GRID2: variants seen among roughly 807,000 people sequenced by gnomAD.
The protein encoded by GRID2 is glutamate ionotropic receptor delta type subunit 2.
GRID2 carries 33 observed loss-of-function variants against 114.8 expected under a neutral mutation model. The observed-to-expected ratio is 0.29, with a 90% CI of 0.22 to 0.38. The LOEUF is 0.38. Ranked by LOEUF, GRID2 falls within the 10% of genes least tolerant of loss-of-function variation. The pLI is 1.00. For missense variants in GRID2, 1,184 were observed against 1,257.7 expected (o/e 0.94, Z 0.89); for synonymous variants, 505 against 449.9 (o/e 1.12, Z -1.55).
At chr4:93,170,006 A>T (rs1738640745) in intron 4 of GRID2, among the ~76,000 whole-genome samples, 1 of 152,194 alleles carries the variant, frequency 6.6e-6, no homozygotes, top group African/African-American at 2.4e-5. Flanking sequence ...GAATGTTATT[A>T]TTTTCATCAT....
At chr4:93,411,889 A>G (rs1201762259) in intron 9 of GRID2, among the ~76,000 whole-genome samples, 1 of 151,834 alleles carries the variant, frequency 6.6e-6, no homozygotes, top group Admixed American at 6.6e-5. Flanking sequence ...TCCCTGAACT[A>G]TGTTGAAATG....
At chr4:92,425,199 C>A (rs1017718110) in intron 1 of GRID2, among the ~76,000 whole-genome samples, 1 of 151,886 alleles carries the variant, frequency 6.6e-6, no homozygotes, top group African/African-American at 2.4e-5. Flanking sequence ...ATTAAGTAGA[C>A]GACAGCAAAT....
intron 9 of GRID2, among the ~76,000 whole-genome samples, chr4:93,419,604 A>C (rs1768066681): frequency 6.6e-6 from 1 of 152,196 alleles, no homozygotes; most frequent in East Asian, 1.9e-4. Context: ...GGATGCAATG[A>C]AAGTTTATTT....
chr4:92,724,922 T>C (rs1360185864), intron 2 of GRID2, among the ~76,000 whole-genome samples: 1 of 152,166 alleles, frequency 6.6e-6, no homozygotes, highest in Non-Finnish European at 1.5e-5. Context: ...TTGTTAAAAT[T>C]GCACATAACT....
rs569966633 is a variant in GRID2, at chr4:93,477,902, C to T, written c.1859-12737C>T. On this transcript the variant is annotated intron_variant, in intron 11 of 15. Transcript: ENST00000282020. Reference sequence around the variant, plus strand: ...GGAGACAGGAAAGTTAATCAATTTGCGGTGGGGAATTAATGATAAACATTA... The same window carrying T: ...GGAGACAGGAAAGTTAATCAATTTGTGGTGGGGAATTAATGATAAACATTA... 4.6e-5 allele frequency among the ~76,000 whole-genome samples: 7 copies of T among 152,172 alleles called. No homozygotes were observed. The East Asian group carries it at 5.8e-4, about 13-fold the overall frequency.
At chr4:92,493,733 G>A (rs1723257586) in intron 1 of GRID2, among the ~76,000 whole-genome samples, 1 of 152,110 alleles carries the variant, frequency 6.6e-6, no homozygotes, top group South Asian at 2.1e-4. Context: ...TTGAAATCTA[G>A]ACTTTTCTAG....
intron 14 of GRID2, among the ~76,000 whole-genome samples, chr4:93,677,206 G>T (rs1470190431): frequency 6.6e-6 from 1 of 152,220 alleles, no homozygotes; most frequent in East Asian, 1.9e-4. Flanking sequence ...CAAACTGCAA[G>T]GTGGCAGTGA....
intron 2 of GRID2, among the ~76,000 whole-genome samples, chr4:92,755,662 A>C (rs1165464044): frequency 6.6e-6 from 1 of 152,192 alleles, no homozygotes; most frequent in Admixed American, 6.6e-5. Context: ...TGAAACAAAA[A>C]GGAGGCAGTA....
At chr4:92,635,305 C>T (rs1034214751) in intron 2 of GRID2, among the ~76,000 whole-genome samples, 5 of 152,018 alleles carry the variant, frequency 3.3e-5, no homozygotes, top group African/African-American at 9.7e-5. Context: ...TATGTGTATC[C>T]TTGAGACTAA....
intron 14 of GRID2, among the ~76,000 whole-genome samples, chr4:93,762,349 T>G (rs1446810843): frequency 6.6e-6 from 1 of 152,174 alleles, no homozygotes; most frequent in Non-Finnish European, 1.5e-5. Context: ...ACTGATAAAA[T>G]ATTTTTGAAA....
intron 13 of GRID2, among the ~76,000 whole-genome samples, chr4:93,557,004 G>A (rs533266772): frequency 9.2e-5 from 14 of 152,250 alleles, no homozygotes; most frequent in African/African-American, 2.2e-4. Context: ...CTTCATCAGC[G>A]AAGAAGAAAT....
chr4:92,328,941 AAG>A (rs1328793769), intron 1 of GRID2, among the ~76,000 whole-genome samples: 101 of 152,130 alleles, frequency 6.6e-4, no homozygotes, highest in African/African-American at 2.1e-3. Context: ...CAGAAAAGAG[AAG>A]ATTGGACTTG....
At chr4:92,520,723 C>CT (rs201990229) in intron 1 of GRID2, among the ~76,000 whole-genome samples, 1,789 of 152,048 alleles carry the variant, frequency 0.012, 12 homozygotes, top group South Asian at 0.035. Flanking sequence ...AACAGTGACT[C>CT]TTTTCCCTGA....
Position 93,382,595 on chromosome 4 carries a change from C to T in GRID2, c.1246-13012C>T, listed in dbSNP as rs185199993. Among the ~76,000 whole-genome samples, 22 of 151,974 alleles carry T rather than the reference C, an allele frequency of 1.4e-4. No individual in the cohort carries two copies. The East Asian group carries it at 3.7e-3, about 25-fold the overall frequency. The stretch of plus-strand genomic sequence containing the variant: ...CTTTCTACTTTTAAGTTTTCTATCT[C>T]TTTATGGACGTTTATAATTTATTCA... On this transcript the variant is annotated intron_variant, in intron 8 of 15. Transcript: ENST00000282020.
intron 2 of GRID2, among the ~76,000 whole-genome samples, chr4:92,738,245 A>G (rs1736698484): frequency 6.6e-6 from 1 of 152,086 alleles, no homozygotes; most frequent in Non-Finnish European, 1.5e-5. Flanking sequence ...TAACTTGTAT[A>G]TCATAAGCTC....
chr4:93,443,524 G>A (rs72668725), intron 10 of GRID2, among the ~76,000 whole-genome samples: 2,254 of 152,046 alleles, frequency 0.015, 19 homozygotes, highest in South Asian at 0.055. Context: ...GCATATTATA[G>A]GGGACATGGC....
intron 2 of GRID2, among the ~76,000 whole-genome samples, chr4:92,801,354 TTTG>T (rs1740159689): frequency 6.6e-6 from 1 of 151,950 alleles, no homozygotes; most frequent in Non-Finnish European, 1.5e-5. Flanking sequence ...TGGATGAAAT[TTTG>T]TTATTTTTTA....
chr4:93,676,751 T>TA (rs1724899961), intron 14 of GRID2, among the ~76,000 whole-genome samples: 1 of 127,976 alleles, frequency 7.8e-6, no homozygotes. Context: ...AAAAAGATAT[T>TA]ACAAAAAAAA....
chr4:92,983,617 G>A (rs1440722583), intron 2 of GRID2, among the ~76,000 whole-genome samples: 1 of 151,900 alleles, frequency 6.6e-6, no homozygotes, highest in African/African-American at 2.4e-5. Flanking sequence ...AGTCTCATAA[G>A]CAAGAAGGAA....
Sources: allele counts gnomAD v4.1 joint callset (sites outside exome capture counted in the v4.1 genomes callset), GRCh38; gene constraint gnomAD v4.1.1; transcripts MANE v1.5; gene names NCBI Gene and HGNC (gene_info 2026-07-23, HGNC 2026-07-21).